RIT2: variants seen among roughly 807,000 people sequenced by gnomAD.
RIT2 encodes the protein Ras like without CAAX 2, also known as GTP-binding protein Rit2.
RIT2 carries 24 observed loss-of-function variants against 23.7 expected under a neutral mutation model. That is an observed-to-expected ratio of 1.01 (90% CI 0.73 to 1.43). RIT2 has a LOEUF of 1.43. Ranked by LOEUF, RIT2 falls within the 40% of genes most tolerant of loss-of-function variation. The pLI is 0.00. For missense variants in RIT2, 236 were observed against 266.9 expected (o/e 0.88, Z 0.81); for synonymous variants, 107 against 91.1 (o/e 1.17, Z -0.99).
At chr18:42,865,854 C>A (rs1907455868) in intron 4 of RIT2, among the ~76,000 whole-genome samples, 2 of 152,226 alleles carry the variant, frequency 1.3e-5, no homozygotes, top group East Asian at 1.9e-4. Context: ...TCTGGAAAAA[C>A]CAGATCACAT....
chr18:42,816,202 G>A (rs1312009163), intron 4 of RIT2, among the ~76,000 whole-genome samples: 2 of 151,990 alleles, frequency 1.3e-5, no homozygotes, highest in Non-Finnish European at 2.9e-5. Context: ...CCCCCCCATG[G>A]CTGATTTCAA....
intron 4 of RIT2, among the ~76,000 whole-genome samples, chr18:42,884,040 C>T (rs1233749211): frequency 6.6e-6 from 1 of 152,150 alleles, no homozygotes; most frequent in Non-Finnish European, 1.5e-5. Context: ...TTATAGATGT[C>T]ACAACATTAT....
At chr18:42,911,217 A>C (rs2144118979) in intron 4 of RIT2, among the ~76,000 whole-genome samples, 1 of 152,208 alleles carries the variant, frequency 6.6e-6, no homozygotes, top group Non-Finnish European at 1.5e-5. Flanking sequence ...AAGGGAAAAT[A>C]ATACGTAGAG....
chr18:42,808,218 GAGA>G (rs1905739055), intron 4 of RIT2, among the ~76,000 whole-genome samples: 1 of 152,166 alleles, frequency 6.6e-6, no homozygotes, highest in African/African-American at 2.4e-5. Flanking sequence ...AGTTACTGCT[GAGA>G]AGAACTAAAA....
chr18:43,012,315 T>C (rs1911368995), intron 2 of RIT2, among the ~76,000 whole-genome samples: 1 of 151,874 alleles, frequency 6.6e-6, no homozygotes, highest in African/African-American at 2.4e-5. Flanking sequence ...TTTACCTCTA[T>C]AAATCAAAAC....
intron 1 of RIT2, among the ~76,000 whole-genome samples, chr18:43,063,655 G>T (rs1052483808): frequency 1.3e-5 from 2 of 152,076 alleles, no homozygotes; most frequent in African/African-American, 4.8e-5. Flanking sequence ...TTAGGGTACA[G>T]ATTTTTCTGG....
chr18:43,093,292 AGTCTATTGGAGTGG>A (rs1039168887), intron 1 of RIT2, among the ~76,000 whole-genome samples: 1 of 151,968 alleles, frequency 6.6e-6, no homozygotes, highest in Non-Finnish European at 1.5e-5. Context: ...CATTTCCCTG[AGTCTATTGGAGTGG>A]GCTGTACCTC....
At chr18:42,840,078 G>A (rs1468967349) in intron 4 of RIT2, among the ~76,000 whole-genome samples, 1 of 152,182 alleles carries the variant, frequency 6.6e-6, no homozygotes, top group African/African-American at 2.4e-5. Context: ...GTCCCATTCA[G>A]GTTAGCCCAC....
intron 4 of RIT2, among the ~76,000 whole-genome samples, chr18:42,872,971 C>T (rs905296675): frequency 6.6e-6 from 1 of 152,050 alleles, no homozygotes; most frequent in East Asian, 1.9e-4. Context: ...ATGTGAGTAT[C>T]GCCATGGCTC....
chr18:42,748,059 A>G (rs1912959219), intron 4 of RIT2, among the ~76,000 whole-genome samples: 2 of 152,170 alleles, frequency 1.3e-5, no homozygotes, highest in Admixed American at 1.3e-4. Flanking sequence ...TAAACTAAAA[A>G]GTTTCTGCAC....
At chr18:42,757,970 G>A (rs1230094135) in intron 4 of RIT2, among the ~76,000 whole-genome samples, 1 of 151,218 alleles carries the variant, frequency 6.6e-6, no homozygotes, top group African/African-American at 2.4e-5. Context: ...TTCTTGTCAA[G>A]TTTGATACCT....
intron 4 of RIT2, among the ~76,000 whole-genome samples, chr18:42,818,799 G>A (rs533748150): frequency 9.2e-5 from 14 of 152,070 alleles, no homozygotes; most frequent in Non-Finnish European, 1.9e-4. Flanking sequence ...CAATGTGGTA[G>A]AGTGAACAGT....
At position 43,075,378 on chromosome 18, in the gene RIT2, G is replaced by T. The variant is rs534222276; in HGVS notation, c.103+40039C>A. ...ATGAACAGAGGTTATGCTGAGAGAA[G>T]TTTGTAGGCATTTTCTTTTCTGCTT... On this transcript the variant is annotated intron_variant, in intron 1 of 4. Transcript: ENST00000326695. Among the ~76,000 whole-genome samples the T allele has an allele frequency of 7.2e-5, 11 of 152,216 alleles. No individual in the cohort carries two copies. The East Asian group carries it at 1.5e-3, about 21-fold the overall frequency.
At chr18:42,951,927 T>A (rs1254752415) in intron 3 of RIT2, among the ~76,000 whole-genome samples, 1 of 152,116 alleles carries the variant, frequency 6.6e-6, no homozygotes, top group Non-Finnish European at 1.5e-5. Flanking sequence ...GGCCTCACAA[T>A]CATGGCTAAA....
intron 1 of RIT2, among the ~76,000 whole-genome samples, chr18:43,055,131 T>G (rs2144314540): frequency 6.6e-6 from 1 of 152,202 alleles, no homozygotes; most frequent in Non-Finnish European, 1.5e-5. Context: ...GGCCATAGAA[T>G]AAGGTTAAGG....
intron 1 of RIT2, among the ~76,000 whole-genome samples, chr18:43,085,988 A>G (rs1598777371): frequency 6.6e-6 from 1 of 152,274 alleles, no homozygotes; most frequent in East Asian, 1.9e-4. Context: ...AGCCATGTGG[A>G]ATTGTGAGTC....
At chr18:43,064,722 C>T (rs1181220218) in intron 1 of RIT2, among the ~76,000 whole-genome samples, 3 of 152,160 alleles carry the variant, frequency 2.0e-5, no homozygotes, top group Non-Finnish European at 1.5e-5. Flanking sequence ...ATCAAATTCT[C>T]ATTCTAAATA....
intron 1 of RIT2, among the ~76,000 whole-genome samples, chr18:43,044,036 G>A (rs1033918983): frequency 6.6e-6 from 1 of 152,106 alleles, no homozygotes; most frequent in East Asian, 1.9e-4. Flanking sequence ...CCAAGCTGCT[G>A]AGCACGGAGA....
intron 3 of RIT2, among the ~76,000 whole-genome samples, chr18:42,947,286 C>A (rs1598726227): frequency 6.6e-6 from 1 of 152,202 alleles, no homozygotes. Flanking sequence ...TGAGAGTGGA[C>A]TGAATTCCTT....
Sources: allele counts gnomAD v4.1 joint callset (sites outside exome capture counted in the v4.1 genomes callset), GRCh38; gene constraint gnomAD v4.1.1; transcripts MANE v1.5; gene names NCBI Gene and HGNC (gene_info 2026-07-23, HGNC 2026-07-21).